Variants in RAE1 observed in about 807,000 individuals in gnomAD.
The protein encoded by RAE1 is mRNA export factor RAE1.
In RAE1, 13 loss-of-function variants were observed where a neutral mutation model predicts 52.7. The ratio of observed to expected loss-of-function variants is 0.25; its 90% CI spans 0.16 to 0.39. The LOEUF (loss-of-function observed/expected upper bound fraction) is 0.39. Among genes scored for constraint, RAE1 ranks in the 10% least tolerant of loss-of-function variants. The pLI is 1.00. For missense variants in RAE1, 262 were observed against 459.8 expected (o/e 0.57, Z 3.93); for synonymous variants, 164 against 153.1 (o/e 1.07, Z -0.52).
At chr20:57,351,890 G>T (rs978193301) in intron 1 of RAE1, 1 of 985,328 alleles carries the variant, frequency 1.0e-6, no homozygotes, top group African/African-American at 1.7e-5. Context: ...TACGTATATA[G>T]GTGCCACCGT....
chr20:57,370,477 A>G (rs1366529635), intron 8 of RAE1, among the ~76,000 whole-genome samples: 7 of 152,038 alleles, frequency 4.6e-5, no homozygotes, highest in Non-Finnish European at 1.0e-4. Context: ...AGCACAACTG[A>G]TCTCCCATCC....
chr20:57,358,777 T>C, intron 4 of RAE1: 1 of 400,800 alleles, frequency 2.5e-6, no homozygotes, highest in East Asian at 3.7e-5. Context: ...ATCAAATTAT[T>C]GGGTCGATGT....
At chr20:57,360,640 G>T (rs986016736) in intron 4 of RAE1, among the ~76,000 whole-genome samples, 2 of 152,172 alleles carry the variant, frequency 1.3e-5, no homozygotes, top group African/African-American at 4.8e-5. Flanking sequence ...AGCTACTTTC[G>T]TAGTATGTTT....
chr20:57,354,406 A>G (rs928778462), intron 2 of RAE1, among the ~76,000 whole-genome samples: 1 of 152,160 alleles, frequency 6.6e-6, no homozygotes, highest in Non-Finnish European at 1.5e-5. Context: ...CAGAATTCCC[A>G]TGGTTGGAGA....
chr20:57,367,705 A>C (rs370875840), intron 7 of RAE1, among the ~76,000 whole-genome samples: 46 of 150,166 alleles, frequency 3.1e-4, no homozygotes, highest in African/African-American at 1.1e-3. Context: ...ACGCTGTTGC[A>C]CTTCAGCCTT....
rs1458554027 is a variant in RAE1, at chr20:57,354,752, G to T, written c.131G>T (p.Cys44Phe). The change falls in exon 3 of 12, where the codon TGT becomes TTT. Residue 44 changes from cysteine (C) to phenylalanine (F), a missense_variant. Physicochemically the swap from Cys to Phe is radical, Grantham distance 205. Coordinates refer to ENST00000395841, the MANE Select transcript of RAE1 (RefSeq NM_003610.4). ...VTSSPDDSIGCLSFSPPTLPG... is the reference protein window; with the variant it reads ...VTSSPDDSIGFLSFSPPTLPG... ...TCATCTCCTGATGATAGCATTGGTTGTCTGTCTTTTAGCCCACCAACCTTG... is the reference window on the plus strand; with the variant it reads ...TCATCTCCTGATGATAGCATTGGTTTTCTGTCTTTTAGCCCACCAACCTTG... The T allele has an allele frequency of 6.2e-7, 1 of 1,603,572 alleles. No individual in the cohort carries two copies. The highest frequency in any genetic ancestry group is 8.5e-7 in the Non-Finnish European group (1 of 1,175,750).
Position 57,375,126 on chromosome 20 carries a change from C to T in RAE1, c.1020+325C>T, listed in dbSNP as rs537014746. On this transcript the variant is annotated intron_variant, in intron 11 of 11. Transcript: ENST00000395841. ...GTGGCAGGGCGGGTCATGGAGCTTT[C>T]GCCTGGGTGCTGTTGGTTGCTTGGT... is the stretch of plus-strand genomic sequence containing the variant. 319 of 650,270 alleles carry T rather than the reference C, an allele frequency of 4.9e-4. 1 individual carries two copies. The East Asian group carries it at 5.0e-3, about 10-fold the overall frequency. 40.3% of individuals were successfully genotyped at this position (650,270 alleles called of 1,614,324 possible). A position where few individuals can be genotyped will look rare whatever the true frequency, so the allele number is the denominator to read the frequency against.
intron 11 of RAE1, 146 bp from the exon 12 acceptor site, chr20:57,377,867 C>T (rs2067139000): frequency 1.6e-6 from 1 of 615,192 alleles, no homozygotes; most frequent in East Asian, 2.8e-5. Context: ...TTCTGCTTCG[C>T]ATTTGACTTT....
At chr20:57,356,423 A>G in intron 3 of RAE1, 23 bp from the exon 4 acceptor site, 1 of 1,588,658 alleles carries the variant, frequency 6.3e-7, no homozygotes. Context: ...CTTTGTTTGC[A>G]TTGAATTTTT....
intron 4 of RAE1, among the ~76,000 whole-genome samples, chr20:57,361,143 A>T (rs1489787813): frequency 6.6e-6 from 1 of 152,198 alleles, no homozygotes; most frequent in Admixed American, 6.5e-5. Flanking sequence ...ACAGTTCTGG[A>T]AATTCAGGGT....
intron 1 of RAE1, 40 bp downstream of exon 1, chr20:57,351,462 C>T: frequency 2.0e-6 from 2 of 985,482 alleles, no homozygotes. Context: ...TTAACCGCCG[C>T]CATGGCTCCC....
intron 8 of RAE1, chr20:57,373,061 G>A (rs1000714107): frequency 2.2e-5 from 5 of 229,552 alleles, no homozygotes; most frequent in East Asian, 1.2e-4. Context: ...AGACGGGTGC[G>A]GCAGAGCCTG....
intron 4 of RAE1, among the ~76,000 whole-genome samples, chr20:57,356,896 A>G (rs13433123): frequency 0.04 from 6,051 of 152,276 alleles, 178 homozygotes; most frequent in African/African-American, 0.089. Context: ...CTGGCGCGGG[A>G]GAGCCAGGGG....
chr20:57,361,709 T>G (rs2066894582), intron 4 of RAE1, among the ~76,000 whole-genome samples: 1 of 152,118 alleles, frequency 6.6e-6, no homozygotes, highest in Non-Finnish European at 1.5e-5. Flanking sequence ...CATCCCAAAG[T>G]TAAAAAATAC....
chr20:57,359,383 T>C, intron 4 of RAE1: 1 of 173,284 alleles, frequency 5.8e-6, no homozygotes, highest in Non-Finnish European at 1.2e-5. Context: ...ACATTACTGC[T>C]TCTATTAAGT....
intron 4 of RAE1, among the ~76,000 whole-genome samples, chr20:57,362,926 G>A (rs1306506021): frequency 1.3e-5 from 2 of 152,086 alleles, no homozygotes; most frequent in East Asian, 1.9e-4. Flanking sequence ...GGTTACAGGC[G>A]CCCACCACCA....
chr20:57,358,874 C>A (rs1396065444), intron 4 of RAE1: 7 of 1,053,108 alleles, frequency 6.6e-6, no homozygotes, highest in Middle Eastern at 6.6e-4. Context: ...ATTTTTAATG[C>A]AGGGATAGGA....
chr20:57,375,593 C>A (rs528265896), intron 11 of RAE1, among the ~76,000 whole-genome samples: 1 of 151,640 alleles, frequency 6.6e-6, no homozygotes, highest in South Asian at 2.1e-4. Flanking sequence ...ACCAGCTCCT[C>A]CCCTCTGTCT....
chr20:57,368,227 C>G (rs2066985786), intron 7 of RAE1, among the ~76,000 whole-genome samples: 1 of 152,142 alleles, frequency 6.6e-6, no homozygotes, highest in African/African-American at 2.4e-5. Flanking sequence ...TGGAAGTGGC[C>G]TAAGGGGCCA....
Sources: allele counts gnomAD v4.1 joint callset (sites outside exome capture counted in the v4.1 genomes callset), GRCh38; gene constraint gnomAD v4.1.1; transcripts MANE v1.5; gene names NCBI Gene and HGNC (gene_info 2026-07-23, HGNC 2026-07-21).